GPR149: variants seen among roughly 807,000 people sequenced by gnomAD.
GPR149 encodes the protein probable G protein-coupled receptor 149.
GPR149 carries 50 observed loss-of-function variants against 50.2 expected under a neutral mutation model. The observed-to-expected ratio is 1.00, with a 90% CI of 0.79 to 1.26. GPR149 has a LOEUF of 1.26. Ranked by LOEUF, GPR149 falls within the 50% of genes most tolerant of loss-of-function variation. The pLI, the probability that GPR149 is intolerant of heterozygous loss-of-function variation, is 0.00. For synonymous variants in GPR149, 405 were observed against 358.2 expected (o/e 1.13, Z -1.48); for missense variants, 983 against 895.4 (o/e 1.10, Z -1.25).
intron 3 of GPR149, among the ~76,000 whole-genome samples, chr3:154,339,025 A>G (rs1713722238): frequency 6.6e-6 from 1 of 152,190 alleles, no homozygotes; most frequent in Non-Finnish European, 1.5e-5. Context: ...GATTCTTAAA[A>G]TAGTCTGTAC....
intron 2 of GPR149, among the ~76,000 whole-genome samples, chr3:154,424,695 T>C (rs1329158806): frequency 6.6e-6 from 1 of 151,808 alleles, no homozygotes; most frequent in Non-Finnish European, 1.5e-5. Context: ...AAAATAAATA[T>C]AATTTTTGTT....
At chr3:154,425,289 G>T (rs902808459) in intron 2 of GPR149, among the ~76,000 whole-genome samples, 4 of 151,762 alleles carry the variant, frequency 2.6e-5, no homozygotes, top group Non-Finnish European at 5.9e-5. Flanking sequence ...TCTCTCTCTT[G>T]CTTCTGAAGT....
intron 3 of GPR149, among the ~76,000 whole-genome samples, chr3:154,356,349 G>A (rs575629984): frequency 2.0e-4 from 31 of 152,076 alleles, no homozygotes; most frequent in Non-Finnish European, 3.4e-4. Flanking sequence ...GGCAGGAGAA[G>A]GAAATAAAGG....
intron 3 of GPR149, among the ~76,000 whole-genome samples, chr3:154,419,654 T>C (rs1712083115): frequency 1.3e-5 from 2 of 151,980 alleles, no homozygotes; most frequent in South Asian, 4.1e-4. Context: ...ATCACGAGGA[T>C]GATATAGGTG....
chr3:154,402,316 C>T (rs1011177469), intron 3 of GPR149, among the ~76,000 whole-genome samples: 1 of 151,754 alleles, frequency 6.6e-6, no homozygotes. Flanking sequence ...ACTTACGAGG[C>T]TAAGGCAGGG....
At position 154,336,065 on chromosome 3, in the gene GPR149, T is replaced by C. The variant is rs1056266439; in HGVS notation, c.*1634A>G. The stretch of plus-strand genomic sequence containing the variant: ...CTGTTAATATTGGTGATACAGTCTT[T>C]TAAAATAAAATATATTTGTAACGAG... On this transcript the variant is annotated 3_prime_UTR_variant, in exon 4 of 4. Coordinates refer to ENST00000389740, the MANE Select transcript of GPR149 (RefSeq NM_001038705.3). 2.0e-5 allele frequency: 3 copies of C among 152,122 alleles called. No individual in the cohort carries two copies. The highest frequency in any genetic ancestry group is 7.2e-5 in the African/African-American group (3 of 41,468). The allele number at this position is 152,122 out of a possible 1,614,324, so 9.4% of individuals were successfully genotyped here.
chr3:154,380,720 T>A (rs1001614483), intron 3 of GPR149, among the ~76,000 whole-genome samples: 2 of 146,710 alleles, frequency 1.4e-5, no homozygotes, highest in Non-Finnish European at 3.0e-5. Flanking sequence ...GAGTTTTTTT[T>A]AAATGAAAAC....
chr3:154,347,166 T>C (rs552045692), intron 3 of GPR149, among the ~76,000 whole-genome samples: 2 of 152,238 alleles, frequency 1.3e-5, no homozygotes, highest in Admixed American at 6.5e-5. Flanking sequence ...GTGTACTATA[T>C]GCTGGCATTG....
intron 3 of GPR149, among the ~76,000 whole-genome samples, chr3:154,343,520 C>T (rs1486590073): frequency 3.9e-5 from 6 of 152,064 alleles, no homozygotes; most frequent in African/African-American, 1.4e-4. Context: ...CGTTCATCAT[C>T]TGGAGTATGT....
intron 2 of GPR149, among the ~76,000 whole-genome samples, chr3:154,424,114 A>G (rs750232409): frequency 6.6e-6 from 1 of 151,922 alleles, no homozygotes; most frequent in Non-Finnish European, 1.5e-5. Flanking sequence ...AACCACGTTC[A>G]TAGACTTGAT....
chr3:154,360,014 C>T (rs540600791), intron 3 of GPR149, among the ~76,000 whole-genome samples: 2 of 26,520 alleles, frequency 7.5e-5, no homozygotes, highest in East Asian at 0.067. Flanking sequence ...CAGTCTCATG[C>T]AAAACTTCTA....
intron 3 of GPR149, among the ~76,000 whole-genome samples, chr3:154,386,495 C>T (rs1407398775): frequency 2.6e-5 from 4 of 152,188 alleles, no homozygotes; most frequent in Admixed American, 2.0e-4. Context: ...GCTGTTGGTA[C>T]AGACATTTAA....
In GPR149 at chr3:154,429,666, T is replaced by C; in HGVS notation, c.-51A>G. On this transcript the variant is annotated 5_prime_UTR_variant, in exon 1 of 4. Coordinates refer to ENST00000389740, the MANE Select transcript of GPR149 (RefSeq NM_001038705.3). ...CTTATCAATGAGTCTGATAATTTTC[T>C]CAAAAGAAAGACCGGCTGCTGCAAA... 2 of 1,505,584 alleles carry C rather than the reference T, an allele frequency of 1.3e-6. No individual in the cohort carries two copies. The highest frequency in any genetic ancestry group is 1.8e-6 in the Non-Finnish European group (2 of 1,105,530). 93.3% of individuals were successfully genotyped at this position (1,505,584 alleles called of 1,614,324 possible). A position where few individuals can be genotyped will look rare whatever the true frequency, so the allele number is the denominator to read the frequency against.
chr3:154,422,052 AT>A (rs989497377), intron 2 of GPR149, among the ~76,000 whole-genome samples: 52 of 151,712 alleles, frequency 3.4e-4, no homozygotes, highest in Admixed American at 7.9e-4. Context: ...CAGCTTTTAA[AT>A]TTTAAAAAAT....
intron 3 of GPR149, among the ~76,000 whole-genome samples, chr3:154,374,382 A>G (rs701127): frequency 0.94 from 141,894 of 151,656 alleles, 66,452 homozygotes; most frequent in East Asian, 1. Context: ...CATGTTGGCC[A>G]GGTTGGTATC....
chr3:154,362,606 G>T (rs1309309153), intron 3 of GPR149, among the ~76,000 whole-genome samples: 1 of 152,148 alleles, frequency 6.6e-6, no homozygotes, highest in East Asian at 1.9e-4. Context: ...GTTGAAAGTG[G>T]CAGTGCCCTG....
chr3:154,351,484 T>G (rs1188229422), intron 3 of GPR149, among the ~76,000 whole-genome samples: 2 of 152,010 alleles, frequency 1.3e-5, no homozygotes, highest in Non-Finnish European at 2.9e-5. Context: ...TAGGAAGGGG[T>G]TATTAGACTT....
chr3:154,353,823 T>C, intron 3 of GPR149: 2 of 661,418 alleles, frequency 3.0e-6, no homozygotes, highest in Non-Finnish European at 5.6e-6. Context: ...TTCTTTCAAA[T>C]ACAGGACAAG....
At chr3:154,414,552 A>G (rs1711934123) in intron 3 of GPR149, among the ~76,000 whole-genome samples, 1 of 151,932 alleles carries the variant, frequency 6.6e-6, no homozygotes, top group Non-Finnish European at 1.5e-5. Flanking sequence ...TCTCCACAAG[A>G]CACTTAAAAA....
Sources: allele counts gnomAD v4.1 joint callset (sites outside exome capture counted in the v4.1 genomes callset), GRCh38; gene constraint gnomAD v4.1.1; transcripts MANE v1.5; gene names NCBI Gene and HGNC (gene_info 2026-07-23, HGNC 2026-07-21).